The following NRIP1 variants were observed in gnomAD, a reference collection of about 807,000 sequenced individuals.
NRIP1 encodes nuclear receptor-interacting protein 1.
NRIP1 carries 28 observed loss-of-function variants against 75.0 expected under a neutral mutation model. The ratio of observed to expected loss-of-function variants is 0.37; its 90% CI spans 0.28 to 0.51. The LOEUF (loss-of-function observed/expected upper bound fraction) is 0.51, where lower values mean the gene tolerates loss of function less well. NRIP1 is among the 20% of genes least tolerant of loss of function. The probability of loss-of-function intolerance (pLI) is 0.92; values close to 1 mark genes in which losing one functional copy is unlikely to be tolerated. For missense variants in NRIP1, 1,435 were observed against 1,343.7 expected, an observed-to-expected ratio of 1.07 and a Z score of -1.06; for synonymous variants, 526 against 487.6, an observed-to-expected ratio of 1.08 and a Z score of -1.04.
At chr21:14,969,826 G>A (rs573333241) in intron 3 of NRIP1, among the ~76,000 whole-genome samples, 41 of 152,232 alleles carry the variant, frequency 2.7e-4, no homozygotes, top group African/African-American at 9.9e-4. Context: ...AGAAATGATA[G>A]CCAAAGAAAA....
chr21:15,061,245 T>A (rs147709317), intron 1 of NRIP1, among the ~76,000 whole-genome samples: 124 of 152,276 alleles, frequency 8.1e-4, no homozygotes, highest in Non-Finnish European at 1.2e-3. Context: ...GAACGGCAAA[T>A]GCTTTTTCCC....
intron 2 of NRIP1, among the ~76,000 whole-genome samples, chr21:15,039,870 G>A (rs1444270602): frequency 6.6e-6 from 1 of 151,956 alleles, no homozygotes; most frequent in Non-Finnish European, 1.5e-5. Context: ...CCTAAACACT[G>A]GCTAATTGAT....
At chr21:15,036,084 C>T (rs1406803393) in intron 2 of NRIP1, among the ~76,000 whole-genome samples, 2 of 152,154 alleles carry the variant, frequency 1.3e-5, no homozygotes, top group Non-Finnish European at 2.9e-5. Flanking sequence ...ATATCCATTT[C>T]TATGACAATA....
intron 2 of NRIP1, among the ~76,000 whole-genome samples, chr21:15,030,538 C>G (rs111428262): frequency 4.0e-4 from 61 of 152,308 alleles, no homozygotes; most frequent in Middle Eastern, 3.4e-3. Flanking sequence ...TAATATGTTA[C>G]AAACAGGGTT....
intron 2 of NRIP1, among the ~76,000 whole-genome samples, chr21:15,022,357 G>A (rs1009520909): frequency 2.6e-5 from 4 of 152,156 alleles, no homozygotes; most frequent in Admixed American, 6.5e-5. Context: ...ACACATTTCT[G>A]GGGAACAATA....
At chr21:15,004,402 T>G (rs1484841613) in intron 3 of NRIP1, among the ~76,000 whole-genome samples, 1 of 152,226 alleles carries the variant, frequency 6.6e-6, no homozygotes, top group Non-Finnish European at 1.5e-5. Context: ...CTTCTATACA[T>G]AATACACATA....
At chr21:15,056,253 T>A (rs138499744) in intron 1 of NRIP1, among the ~76,000 whole-genome samples, 5 of 150,860 alleles carry the variant, frequency 3.3e-5, no homozygotes, top group African/African-American at 1.2e-4. Context: ...ATGAAATAAC[T>A]TCAATTTGTG....
At chr21:15,030,875 G>GTA (rs2088637784) in intron 2 of NRIP1, among the ~76,000 whole-genome samples, 1 of 127,128 alleles carries the variant, frequency 7.9e-6, no homozygotes, top group Admixed American at 7.7e-5. Context: ...TTCTATGTGT[G>GTA]TACACTCTGG....
At chr21:15,033,060 C>T (rs2088746921) in intron 2 of NRIP1, among the ~76,000 whole-genome samples, 1 of 151,840 alleles carries the variant, frequency 6.6e-6, no homozygotes, top group African/African-American at 2.4e-5. Context: ...CCTGTTTCTA[C>T]TAAAAATACA....
At chr21:14,983,915 A>G (rs1159094176) in intron 3 of NRIP1, among the ~76,000 whole-genome samples, 4 of 152,230 alleles carry the variant, frequency 2.6e-5, no homozygotes, top group Non-Finnish European at 1.5e-5. Flanking sequence ...CTTTCAAAAT[A>G]TTACAGGCCA....
intron 3 of NRIP1, among the ~76,000 whole-genome samples, chr21:14,987,274 G>A (rs537671481): frequency 7.2e-5 from 11 of 152,180 alleles, no homozygotes; most frequent in Non-Finnish European, 1.5e-4. Flanking sequence ...ATGTGGTAAT[G>A]CTCACATAGC....
At chr21:14,981,184 G>A (rs899693396) in intron 3 of NRIP1, among the ~76,000 whole-genome samples, 1 of 152,182 alleles carries the variant, frequency 6.6e-6, no homozygotes, top group African/African-American at 2.4e-5. Context: ...ATTTTCACAG[G>A]TAACATTAAA....
At chr21:15,057,151 G>A (rs571758656) in intron 1 of NRIP1, among the ~76,000 whole-genome samples, 38 of 150,216 alleles carry the variant, frequency 2.5e-4, no homozygotes, top group African/African-American at 9.2e-4. Context: ...AAATTGTTGT[G>A]AGTGAAGATA....
intron 1 of NRIP1, among the ~76,000 whole-genome samples, chr21:15,064,138 C>A (rs576206352): frequency 6.6e-6 from 1 of 152,378 alleles, no homozygotes; most frequent in South Asian, 2.1e-4. Context: ...TAAATGGGGG[C>A]CGGCCCCTGG....
At chr21:15,014,108 T>C (rs1051056595) in intron 3 of NRIP1, among the ~76,000 whole-genome samples, 3 of 152,246 alleles carry the variant, frequency 2.0e-5, no homozygotes, top group Admixed American at 1.3e-4. Context: ...TAACCTCTTT[T>C]ACTGTTTGAT....
intron 1 of NRIP1, among the ~76,000 whole-genome samples, chr21:15,053,927 T>C (rs911360752): frequency 2.6e-5 from 4 of 152,218 alleles, no homozygotes. Context: ...GTGTTATAAA[T>C]ATATATCCAT....
At chr21:15,022,637 G>A (rs545157637) in intron 2 of NRIP1, among the ~76,000 whole-genome samples, 1 of 152,286 alleles carries the variant, frequency 6.6e-6, no homozygotes, top group East Asian at 1.9e-4. Flanking sequence ...TAAACCTAAT[G>A]TATTACAATT....
intron 1 of NRIP1, among the ~76,000 whole-genome samples, chr21:15,049,812 C>T (rs2147358721): frequency 6.6e-6 from 1 of 152,124 alleles, no homozygotes. Flanking sequence ...CATTTTCTCT[C>T]CCTATAGAGA....
At chr21:15,023,419 G>A (rs1418710359) in intron 2 of NRIP1, among the ~76,000 whole-genome samples, 2 of 152,066 alleles carry the variant, frequency 1.3e-5, no homozygotes, top group Non-Finnish European at 2.9e-5. Flanking sequence ...AAAATCAACT[G>A]TATTTTTGTA....
Sources: allele counts gnomAD v4.1 joint callset (sites outside exome capture counted in the v4.1 genomes callset), GRCh38; gene constraint gnomAD v4.1.1; transcripts MANE v1.5; gene names NCBI Gene and HGNC (gene_info 2026-07-23, HGNC 2026-07-21).